SLC13A2: variants seen among roughly 807,000 people sequenced by gnomAD.
SLC13A2 encodes Na(+)-coupled citrate transporter.
A neutral mutation model predicts 58.5 loss-of-function variants in SLC13A2; 40 were observed. The observed-to-expected ratio is 0.68, with a 90% CI of 0.53 to 0.89. The LOEUF (loss-of-function observed/expected upper bound fraction) is 0.89, where lower values mean the gene tolerates loss of function less well. SLC13A2 is among the 40% of genes least tolerant of loss of function. SLC13A2 has a pLI of 0.00. For missense variants in SLC13A2, 694 were observed against 772.6 expected (o/e 0.90, Z 1.21); for synonymous variants, 341 against 331.6 (o/e 1.03, Z -0.31).
intron 1 of SLC13A2, among the ~76,000 whole-genome samples, chr17:28,478,141 T>C (rs2068724275): frequency 6.6e-6 from 1 of 152,154 alleles, no homozygotes; most frequent in African/African-American, 2.4e-5. Context: ...TGAGGGCCAG[T>C]GTGGGGAAGC....
Position 28,497,538 on chromosome 17 carries a change from C to T in SLC13A2, c.*269C>T. 4.0e-6 allele frequency: 2 copies of T among 506,276 alleles called. No homozygotes were observed. Among genetic ancestry groups the T allele is most frequent in the Non-Finnish European group, 7.1e-6 (2 of 282,028 alleles). 31.4% of individuals were successfully genotyped at this position (506,276 alleles called of 1,614,324 possible). ...GTGACGTGAGGCTATCTGAGGGGGG[C>T]TGTGTGCATGCACATGATCCTAGGT... On this transcript the variant is annotated 3_prime_UTR_variant, in exon 12 of 12. Transcript: ENST00000314669.
At chr17:28,475,344 T>C (rs571014559) in intron 1 of SLC13A2, among the ~76,000 whole-genome samples, 1 of 152,272 alleles carries the variant, frequency 6.6e-6, no homozygotes, top group African/African-American at 2.4e-5. Flanking sequence ...GCCAGCCCCA[T>C]CCTGACTCTG....
rs1426508865 is a variant in SLC13A2 at position 28,494,327 on chromosome 17, C to A, written c.1187-64C>A. The A allele has an allele frequency of 6.2e-7, 1 of 1,613,764 alleles. No homozygotes were observed. Among genetic ancestry groups the A allele is most frequent in the Non-Finnish European group, 8.5e-7 (1 of 1,179,974 alleles). ...AAAAGGGACCCACACAGGGAGCCCG[C>A]AAATGGAGAGGGGAAAGGCCTGTTT... On this transcript the variant is annotated intron_variant, in intron 8 of 11. Transcript: ENST00000314669. This position sits in a 1 kb window ranked among gnomAD's most constrained non-coding sequence, Gnocchi z 4.0.
chr17:28,497,466 A>T lies in SLC13A2; in HGVS notation c.*197A>T. 1 of 628,194 alleles carries T rather than the reference A, an allele frequency of 1.6e-6. No homozygotes were observed. The highest frequency in any genetic ancestry group is 2.7e-6 in the Non-Finnish European group (1 of 366,182). The allele number at this position is 628,194 out of a possible 1,614,324, so 38.9% of individuals were successfully genotyped here. On this transcript the variant is annotated 3_prime_UTR_variant, in exon 12 of 12. Transcript: ENST00000314669. ...ATGTGCTGGAATAAAAGGTGTGTGCATGTGTGTGTGCGCATATGTGTGCGC... is the reference window on the plus strand; with the variant it reads ...ATGTGCTGGAATAAAAGGTGTGTGCTTGTGTGTGTGCGCATATGTGTGCGC...
chr17:28,475,730 G>C (rs1156727471), intron 1 of SLC13A2, among the ~76,000 whole-genome samples: 1 of 152,136 alleles, frequency 6.6e-6, no homozygotes, highest in Non-Finnish European at 1.5e-5. Flanking sequence ...CCCCGTCTTT[G>C]CCGTGCTGTC....
chr17:28,495,589 C>T (rs2069122813), intron 9 of SLC13A2, 66 bp from the exon 10 acceptor site: 1 of 1,517,214 alleles, frequency 6.6e-7, no homozygotes, highest in South Asian at 1.2e-5. Flanking sequence ...CCTCATAGAG[C>T]CTCGGCAGAA....
chr17:28,490,921 G>A lies in SLC13A2; in HGVS notation c.574+15G>A, dbSNP rs782274649. 1.2e-6 allele frequency: 2 copies of A among 1,601,122 alleles called. No individual in the cohort carries two copies. The highest frequency in any genetic ancestry group is 8.5e-7 in the Non-Finnish European group (1 of 1,173,336). ...GACCAAGCTTGGTGAGAAAAATGAG[G>A]CTAGACTCTGCCCCAACCCCTTGGT... On this transcript the variant is annotated intron_variant, in intron 4 of 11. Coordinates refer to ENST00000314669, the MANE Select transcript of SLC13A2 (RefSeq NM_003984.4).
At chr17:28,486,100 G>A (rs912522657) in intron 1 of SLC13A2, among the ~76,000 whole-genome samples, 2 of 152,142 alleles carry the variant, frequency 1.3e-5, no homozygotes, top group African/African-American at 4.8e-5. Context: ...ATCAAAATAT[G>A]GAAAAATAAA....
At chr17:28,486,679 C>T (rs2068888280) in intron 1 of SLC13A2, among the ~76,000 whole-genome samples, 2 of 152,096 alleles carry the variant, frequency 1.3e-5, no homozygotes, top group South Asian at 4.1e-4. Flanking sequence ...CTCTCGGGCA[C>T]TCCCTGAGGG....
At chr17:28,478,627 T>C (rs1428951864) in intron 1 of SLC13A2, among the ~76,000 whole-genome samples, 2 of 151,466 alleles carry the variant, frequency 1.3e-5, no homozygotes, top group African/African-American at 4.9e-5. Flanking sequence ...AATAGTAGGG[T>C]GTGTTTGAGG....
In SLC13A2 at chr17:28,494,339, GGAAAGGCCTGTTTGTTCTTTGGT is replaced by G; in HGVS notation, c.1187-49_1187-27del. 6.2e-7 allele frequency: 1 copy of G among 1,614,038 alleles called. No homozygotes were observed. Among genetic ancestry groups the G allele is most frequent in the Non-Finnish European group, 8.5e-7 (1 of 1,180,012 alleles). ...CACAGGGAGCCCGCAAATGGAGAGG[GGAAAGGCCTGTTTGTTCTTTGGT>G]GACCCATCCTTCTCTGCTTGGGAAG... On this transcript the variant is annotated intron_variant, in intron 8 of 11. Coordinates refer to ENST00000314669, the MANE Select transcript of SLC13A2 (RefSeq NM_003984.4). This position sits in a 1 kb window ranked among gnomAD's most constrained non-coding sequence, Gnocchi z 4.0.
rs1192691669 is a variant in SLC13A2, at chr17:28,485,647, G to A, written c.103-3567G>A. Among the ~76,000 whole-genome samples, 4 of 152,118 alleles carry A rather than the reference G, an allele frequency of 2.6e-5. No homozygotes were observed. The East Asian group carries it at 7.7e-4, about 29-fold the overall frequency. ...CATCAACAACTGTCAACAAGGCAAA[G>A]CTAGACCTCTCTGAGTCTTGGTTCT... On this transcript the variant is annotated intron_variant, in intron 1 of 11. Transcript: ENST00000314669.
Position 28,495,660 on chromosome 17 carries a change from G to A in SLC13A2, c.1314G>A (p.Ser438=), listed in dbSNP as rs11568475. The A allele has an allele frequency of 8.0e-4, 1,290 of 1,609,808 alleles. 10 individuals carry two copies. In the African/African-American group the frequency reaches 0.012, roughly 15 times the overall value. The stretch of plus-strand genomic sequence containing the variant: ...CCATCCTCCTCTGCCCACAGCGATC[G>A]GGCCTGTCAGAGTGGCTGGGAAACA... ...GYALAKGSER[S]GLSEWLGNKL... The change falls in exon 10 of 12, where the codon TCG becomes TCA. Residue 438 remains serine (S), a synonymous_variant. Coordinates refer to ENST00000314669, the MANE Select transcript of SLC13A2 (RefSeq NM_003984.4).
rs1555603044 is a variant in SLC13A2 at position 28,490,524 on chromosome 17, A to C, written c.302A>C (p.Glu101Ala). Residue 101 changes from glutamate (E) to alanine (A), a missense_variant, in exon 3 of 12, where the codon GAA (glutamate) becomes GCA (alanine). By Grantham distance (107) the Glu-to-Ala change is moderately radical. Coordinates refer to ENST00000314669, the MANE Select transcript of SLC13A2 (RefSeq NM_003984.4). ...GGGCTGCTGGTGGCCATCGCGGTGG[A>C]ACACTGGAACCTGCATAAACGCATC... ...FGGLLVAIAV[E>A]HWNLHKRIAL... 16 of 1,614,028 alleles carry C rather than the reference A, an allele frequency of 9.9e-6. No homozygotes were observed. The highest frequency in any genetic ancestry group is 1.4e-5 in the Non-Finnish European group (16 of 1,179,968).
At chr17:28,487,093 CAGCCTG>C (rs1567851478) in intron 1 of SLC13A2, among the ~76,000 whole-genome samples, 1 of 152,230 alleles carries the variant, frequency 6.6e-6, no homozygotes, top group Non-Finnish European at 1.5e-5. Context: ...CCGCCATGCC[CAGCCTG>C]GTCCGATTAT....
chr17:28,493,853 G>GCC, intron 7 of SLC13A2, 64 bp downstream of exon 7: 1 of 1,571,362 alleles, frequency 6.4e-7, no homozygotes, highest in Non-Finnish European at 8.7e-7. Context: ...AAGGAGGGAA[G>GCC]GGTATAGGGC....
chr17:28,489,431 C>A (rs1597883252), intron 2 of SLC13A2, 89 bp downstream of exon 2: 1 of 1,451,436 alleles, frequency 6.9e-7, no homozygotes, highest in Non-Finnish European at 9.2e-7. Flanking sequence ...AAGGAAGCCT[C>A]ACCATAGGCA....
At chr17:28,493,916 C>A in intron 7 of SLC13A2, 101 bp from the exon 8 acceptor site, 2 of 1,465,040 alleles carry the variant, frequency 1.4e-6, no homozygotes, top group Non-Finnish European at 1.9e-6. Flanking sequence ...GTTCCCCAGG[C>A]TTGTCTATGG....
chr17:28,489,064 G>A (rs2068947241), intron 1 of SLC13A2, 150 bp from the exon 2 acceptor site: 4 of 879,224 alleles, frequency 4.5e-6, no homozygotes, highest in Middle Eastern at 3.6e-4. Context: ...ATTTTGAAAT[G>A]AGACCTTGGG....
Sources: gnomAD v4.1 joint callset for allele counts (sites outside exome capture counted in the v4.1 genomes callset) on GRCh38, gnomAD v4.1.1 for gene constraint, Gnocchi (gnomAD v3.1) non-coding constraint, MANE v1.5 for transcripts, NCBI Gene and HGNC (gene_info 2026-07-23, HGNC 2026-07-21) for gene names.